The following KCNMA1 variants were observed in gnomAD, a reference collection of about 807,000 sequenced individuals.
KCNMA1 encodes the protein potassium calcium-activated channel subfamily M alpha 1.
A neutral mutation model predicts 140.0 loss-of-function variants in KCNMA1; 29 were observed. That is an observed-to-expected ratio of 0.21 (90% confidence interval 0.15 to 0.28). KCNMA1 has a LOEUF of 0.28. Among genes scored for constraint, KCNMA1 ranks in the 10% least tolerant of loss-of-function variants. KCNMA1 has a pLI of 1.00. For synonymous variants in KCNMA1, 612 were observed against 611.9 expected, an observed-to-expected ratio of 1.00 and a Z score of 0.00; for missense variants, 880 against 1,602.2, an observed-to-expected ratio of 0.55 and a Z score of 7.70.
intron 2 of KCNMA1, among the ~76,000 whole-genome samples, chr10:77,320,196 A>G (rs2081981530): frequency 6.6e-6 from 1 of 152,232 alleles, no homozygotes; most frequent in South Asian, 2.1e-4. Flanking sequence ...ATGGTGGAGA[A>G]GAATTCTGGG....
At chr10:76,925,447 C>A (rs1472417881) in intron 23 of KCNMA1, among the ~76,000 whole-genome samples, 1 of 152,124 alleles carries the variant, frequency 6.6e-6, no homozygotes, top group Non-Finnish European at 1.5e-5. Context: ...ATATACATTA[C>A]AAGACAATGA....
intron 19 of KCNMA1, among the ~76,000 whole-genome samples, chr10:76,971,773 G>C (rs978237474): frequency 3.3e-5 from 5 of 152,080 alleles, no homozygotes; most frequent in African/African-American, 9.7e-5. Context: ...AAATCACACA[G>C]AGACTAAACA....
chr10:77,363,378 A>G (rs542348440), intron 2 of KCNMA1, among the ~76,000 whole-genome samples: 2 of 152,296 alleles, frequency 1.3e-5, no homozygotes, highest in African/African-American at 4.8e-5. Context: ...GCTGCAGCAC[A>G]CAGCAGGGAC....
chr10:77,379,611 T>C (rs913937457), intron 2 of KCNMA1, among the ~76,000 whole-genome samples: 1 of 150,734 alleles, frequency 6.6e-6, no homozygotes, highest in Non-Finnish European at 1.5e-5. Flanking sequence ...AATAATAAAA[T>C]TAGAACTAAA....
intron 23 of KCNMA1, among the ~76,000 whole-genome samples, chr10:76,918,984 G>T (rs775166591): frequency 2.0e-5 from 3 of 149,670 alleles, no homozygotes; most frequent in Admixed American, 6.7e-5. Flanking sequence ...GCCATACAAA[G>T]GAATTAATTA....
At chr10:77,196,410 C>A (rs559984624) in intron 3 of KCNMA1, among the ~76,000 whole-genome samples, 1 of 152,182 alleles carries the variant, frequency 6.6e-6, no homozygotes, top group African/African-American at 2.4e-5. Context: ...AATATGCCAA[C>A]GTGCTGGGCA....
At chr10:77,542,027 T>C (rs1445769544) in intron 1 of KCNMA1, among the ~76,000 whole-genome samples, 1 of 152,164 alleles carries the variant, frequency 6.6e-6, no homozygotes, top group East Asian at 1.9e-4. Context: ...TCCCCAAAAA[T>C]TTATATGTAG....
intron 1 of KCNMA1, among the ~76,000 whole-genome samples, chr10:77,506,260 T>C (rs1378143037): frequency 6.6e-6 from 1 of 152,130 alleles, no homozygotes; most frequent in African/African-American, 2.4e-5. Flanking sequence ...GGCAGGTCCA[T>C]GATTCAATCT....
intron 1 of KCNMA1, among the ~76,000 whole-genome samples, chr10:77,444,684 T>G (rs575546094): frequency 1.6e-3 from 251 of 152,188 alleles, no homozygotes; most frequent in African/African-American, 5.8e-3. Context: ...TCCTAACCAC[T>G]CTGGAGATTG....
At position 76,920,020 on chromosome 10, in the gene KCNMA1, G is replaced by GTGTATATATATA. The variant is rs1177257916; in HGVS notation, c.2903-4972_2903-4971insTATATATATACA. Among the ~76,000 whole-genome samples, 86 of 34,408 alleles carry GTGTATATATATA rather than the reference G, an allele frequency of 2.5e-3. 1 individual carries two copies. The highest frequency in any genetic ancestry group is 3.9e-3 in the East Asian group (3 of 768). The allele number at this position is 34,408 out of a possible 152,430, so 22.6% of individuals were successfully genotyped here. A position where few individuals can be genotyped will look rare whatever the true frequency, so the allele number is the denominator to read the frequency against. On this transcript the variant is annotated intron_variant, in intron 23 of 27. Transcript: ENST00000286628. The stretch of plus-strand genomic sequence containing the variant: ...TGTGTGTGTGTGTGTGTGTGTGTGT[G>GTGTATATATATA]TATATATATATATATATATATATAT...
At chr10:77,356,080 C>A (rs1214867731) in intron 2 of KCNMA1, among the ~76,000 whole-genome samples, 1 of 152,164 alleles carries the variant, frequency 6.6e-6, no homozygotes, top group Non-Finnish European at 1.5e-5. Flanking sequence ...ATTACTCATT[C>A]TTTTATGTAA....
chr10:77,163,469 T>C (rs1031122139), intron 5 of KCNMA1, among the ~76,000 whole-genome samples: 2 of 152,204 alleles, frequency 1.3e-5, no homozygotes, highest in African/African-American at 4.8e-5. Context: ...ACCCTTATCA[T>C]TTGTCATTCA....
chr10:77,004,412 C>T (rs1208289514), intron 18 of KCNMA1, among the ~76,000 whole-genome samples: 1 of 152,164 alleles, frequency 6.6e-6, no homozygotes, highest in Non-Finnish European at 1.5e-5. Context: ...CTGGCATAGT[C>T]CATTTCCATT....
intron 23 of KCNMA1, among the ~76,000 whole-genome samples, chr10:76,918,064 C>T (rs1163787662): frequency 6.6e-6 from 1 of 152,160 alleles, no homozygotes; most frequent in Non-Finnish European, 1.5e-5. Flanking sequence ...ATCTTGCTCT[C>T]CTTCCCATTA....
rs191305088 is a variant in KCNMA1, at chr10:77,337,544, C to T, written c.540+66318G>A. On this transcript the variant is annotated intron_variant, in intron 2 of 27. Coordinates refer to ENST00000286628, the MANE Select transcript of KCNMA1 (RefSeq NM_001161352.2). ...TTGAGGCAGGAGACTCGCTTGAGCCCGAGAGGCGGAGGTTGTAGTGAGCCA... is the reference window on the plus strand; with the variant it reads ...TTGAGGCAGGAGACTCGCTTGAGCCTGAGAGGCGGAGGTTGTAGTGAGCCA... 5.3e-5 allele frequency among the ~76,000 whole-genome samples: 8 copies of T among 152,246 alleles called. No individual in the cohort carries two copies. In the East Asian group the frequency reaches 5.8e-4, roughly 11 times the overall value.
At chr10:77,243,224 T>C (rs928584636) in intron 3 of KCNMA1, among the ~76,000 whole-genome samples, 9 of 151,924 alleles carry the variant, frequency 5.9e-5, no homozygotes, top group Non-Finnish European at 1.3e-4. Flanking sequence ...CCTACCACAG[T>C]TGTGTTAGGC....
At chr10:77,165,575 T>G (rs2098631776) in intron 5 of KCNMA1, among the ~76,000 whole-genome samples, 1 of 152,232 alleles carries the variant, frequency 6.6e-6, no homozygotes, top group Non-Finnish European at 1.5e-5. Context: ...AGACAGTCCT[T>G]TATTTTAGTG....
chr10:77,131,209 A>C (rs1371122299), intron 5 of KCNMA1, among the ~76,000 whole-genome samples: 1 of 152,218 alleles, frequency 6.6e-6, no homozygotes, highest in Non-Finnish European at 1.5e-5. Context: ...CCAGTTACCG[A>C]ATAGAAACAC....
intron 16 of KCNMA1, among the ~76,000 whole-genome samples, chr10:77,024,963 G>T (rs2093260980): frequency 2.0e-5 from 3 of 151,860 alleles, no homozygotes; most frequent in Admixed American, 2.0e-4. Flanking sequence ...ATGTGGAAGT[G>T]GTATGTAGAC....
Sources: allele counts gnomAD v4.1 joint callset (sites outside exome capture counted in the v4.1 genomes callset), GRCh38; gene constraint gnomAD v4.1.1; transcripts MANE v1.5; gene names NCBI Gene and HGNC (gene_info 2026-07-23, HGNC 2026-07-21).